The following FGF14 variants were observed in gnomAD, a reference collection of about 807,000 sequenced individuals.
FGF14 encodes fibroblast growth factor homologous factor 4.
A neutral mutation model predicts 25.5 loss-of-function variants in FGF14; 5 were observed. That is an observed-to-expected ratio of 0.20 (90% CI 0.10 to 0.41). The LOEUF is 0.41. Among genes scored for constraint, FGF14 ranks in the 10% least tolerant of loss-of-function variants. FGF14 has a pLI of 1.00. For missense variants in FGF14, 222 were observed against 320.1 expected (o/e 0.69, Z 2.34); for synonymous variants, 138 against 118.3 (o/e 1.17, Z -1.08).
intron 1 of FGF14, among the ~76,000 whole-genome samples, chr13:102,058,593 C>A (rs1566630845): frequency 6.6e-6 from 1 of 152,112 alleles, no homozygotes; most frequent in African/African-American, 2.4e-5. Context: ...AAAAATAAAA[C>A]AATTATATTC....
intron 1 of FGF14, among the ~76,000 whole-genome samples, chr13:102,272,237 T>C (rs969640546): frequency 6.6e-5 from 10 of 152,198 alleles, no homozygotes; most frequent in African/African-American, 2.2e-4. Flanking sequence ...CTTTTTATTA[T>C]CATGAAATTT....
At chr13:101,808,089 G>A (rs933723091) in intron 3 of FGF14, among the ~76,000 whole-genome samples, 17 of 152,054 alleles carry the variant, frequency 1.1e-4, no homozygotes, top group African/African-American at 4.1e-4. Flanking sequence ...TAGCTCTGTG[G>A]TTTGTGTCTA....
At chr13:102,213,291 C>A (rs2050235102) in intron 1 of FGF14, among the ~76,000 whole-genome samples, 1 of 152,174 alleles carries the variant, frequency 6.6e-6, no homozygotes, top group Non-Finnish European at 1.5e-5. Context: ...GTAATTTACA[C>A]TGGAAAAAAT....
intron 3 of FGF14, among the ~76,000 whole-genome samples, chr13:101,796,472 T>C (rs143973088): frequency 6.6e-6 from 1 of 152,018 alleles, no homozygotes; most frequent in Non-Finnish European, 1.5e-5. Context: ...CCATCAGTTA[T>C]GGGATAAATT....
At chr13:102,068,670 G>A (rs1414549803) in intron 1 of FGF14, among the ~76,000 whole-genome samples, 2 of 152,222 alleles carry the variant, frequency 1.3e-5, no homozygotes, top group Non-Finnish European at 2.9e-5. Flanking sequence ...GCCCACCGGC[G>A]CTGTGCTCGA....
At chr13:102,249,549 GGTGT>G (rs55773652) in intron 1 of FGF14, among the ~76,000 whole-genome samples, 221 of 149,766 alleles carry the variant, frequency 1.5e-3, no homozygotes, top group East Asian at 2.0e-3. Flanking sequence ...TACTGAGAGG[GGTGT>G]GTGTGTGTGT....
intron 1 of FGF14, among the ~76,000 whole-genome samples, chr13:102,366,976 C>A (rs1466209905): frequency 6.6e-6 from 1 of 152,074 alleles, no homozygotes; most frequent in African/African-American, 2.4e-5. Flanking sequence ...TAAAAACTCA[C>A]CGTTAAAAGC....
intron 1 of FGF14, among the ~76,000 whole-genome samples, chr13:102,128,853 C>A (rs1403792253): frequency 6.6e-6 from 1 of 152,130 alleles, no homozygotes; most frequent in Admixed American, 6.6e-5. Flanking sequence ...GAGGCTAAGG[C>A]AGGCGGATCA....
At chr13:102,372,529 T>C (rs2057916118) in intron 1 of FGF14, among the ~76,000 whole-genome samples, 1 of 152,048 alleles carries the variant, frequency 6.6e-6, no homozygotes, top group African/African-American at 2.4e-5. Context: ...CCAGAGAAAA[T>C]CTAAGGGCGT....
intron 3 of FGF14, among the ~76,000 whole-genome samples, chr13:101,762,203 G>A (rs2038074575): frequency 6.6e-6 from 1 of 152,324 alleles, no homozygotes; most frequent in East Asian, 1.9e-4. Flanking sequence ...GTGTGCCTAT[G>A]TGAAAGAGGG....
intron 3 of FGF14, among the ~76,000 whole-genome samples, chr13:101,812,931 T>G (rs1457537663): frequency 6.6e-6 from 1 of 152,038 alleles, no homozygotes; most frequent in African/African-American, 2.4e-5. Flanking sequence ...CCTCCCAAAG[T>G]GCTGGGATTA....
intron 1 of FGF14, among the ~76,000 whole-genome samples, chr13:102,193,963 T>C (rs936648209): frequency 2.0e-5 from 3 of 152,184 alleles, no homozygotes; most frequent in Non-Finnish European, 4.4e-5. Flanking sequence ...GTCAAAAATT[T>C]GAAATAACTT....
At chr13:102,103,140 G>T (rs544940177) in intron 1 of FGF14, among the ~76,000 whole-genome samples, 1 of 152,272 alleles carries the variant, frequency 6.6e-6, no homozygotes, top group South Asian at 2.1e-4. Flanking sequence ...AGGACAGAAA[G>T]AATAAGTAAA....
chr13:101,881,169 A>G (rs1227729420), intron 1 of FGF14, among the ~76,000 whole-genome samples: 1 of 152,194 alleles, frequency 6.6e-6, no homozygotes, highest in East Asian at 1.9e-4. Context: ...GTATCTTGGG[A>G]TTCCTAGCCC....
chr13:102,145,259 G>C (rs574476486), intron 1 of FGF14, among the ~76,000 whole-genome samples: 13 of 152,122 alleles, frequency 8.5e-5, no homozygotes, highest in South Asian at 2.1e-4. Context: ...GATTGATTTA[G>C]AAATCGGCAT....
At chr13:101,982,712 C>T (rs2038340774) in intron 1 of FGF14, among the ~76,000 whole-genome samples, 1 of 152,134 alleles carries the variant, frequency 6.6e-6, no homozygotes, top group Non-Finnish European at 1.5e-5. Flanking sequence ...GCCTGAAGTA[C>T]CCTACGAAGA....
chr13:102,254,328 C>A (rs1183596157), intron 1 of FGF14, among the ~76,000 whole-genome samples: 1 of 152,072 alleles, frequency 6.6e-6, no homozygotes. Flanking sequence ...TAAAGTCAGC[C>A]TGGGGGATCT....
At chr13:101,845,078 T>C (rs535595142) in intron 3 of FGF14, among the ~76,000 whole-genome samples, 18 of 152,138 alleles carry the variant, frequency 1.2e-4, no homozygotes, top group African/African-American at 3.6e-4. Context: ...CATGCCCTTG[T>C]TAGTACTTTG....
At chr13:102,263,233 A>G in intron 1 of FGF14, 1 of 441,558 alleles carries the variant, frequency 2.3e-6, no homozygotes, top group South Asian at 2.2e-5. Context: ...AGCACACACC[A>G]CGATGGCAGA....
Sources: gnomAD v4.1 joint callset for allele counts (sites outside exome capture counted in the v4.1 genomes callset) on GRCh38, gnomAD v4.1.1 for gene constraint, MANE v1.5 for transcripts, NCBI Gene and HGNC (gene_info 2026-07-23, HGNC 2026-07-21) for gene names.